Variants in GLDC observed in about 807,000 individuals in gnomAD.
GLDC encodes the protein glycine decarboxylase, also known as glycine dehydrogenase (decarboxylating), mitochondrial.
A neutral mutation model predicts 121.3 loss-of-function variants in GLDC; 104 were observed. The observed-to-expected ratio is 0.86, with a 90% CI of 0.73 to 1.01. The LOEUF is 1.01. Ranked by LOEUF, GLDC falls within the 50% of genes least tolerant of loss-of-function variation. The probability of loss-of-function intolerance (pLI) is 0.00; values close to 1 mark genes in which losing one functional copy is unlikely to be tolerated. For missense variants in GLDC, 1,429 were observed against 1,306.6 expected (o/e 1.09, Z -1.44); for synonymous variants, 546 against 480.6 (o/e 1.14, Z -1.78).
chr9:6,558,456 A>C, intron 17 of GLDC, 103 bp downstream of exon 17: 5 of 1,346,388 alleles, frequency 3.7e-6, no homozygotes, highest in Non-Finnish European at 5.3e-6. Flanking sequence ...CAGACTTTTC[A>C]TTAGAATGCA....
At chr9:6,574,970 T>C (rs998130541) in intron 15 of GLDC, among the ~76,000 whole-genome samples, 1 of 152,142 alleles carries the variant, frequency 6.6e-6, no homozygotes, top group African/African-American at 2.4e-5. Flanking sequence ...TTCTCTTTGG[T>C]GTTCCTCCAG....
At chr9:6,618,570 G>C (rs545063113) in intron 3 of GLDC, among the ~76,000 whole-genome samples, 20 of 152,262 alleles carry the variant, frequency 1.3e-4, no homozygotes, top group African/African-American at 4.3e-4. Context: ...ACCTCCCAAA[G>C]TGCTGGGATT....
chr9:6,628,360 C>T (rs563622711), intron 2 of GLDC, among the ~76,000 whole-genome samples: 1 of 152,208 alleles, frequency 6.6e-6, no homozygotes, highest in Non-Finnish European at 1.5e-5. Context: ...CACAGCAGAG[C>T]ACATTCCTCA....
intron 2 of GLDC, among the ~76,000 whole-genome samples, chr9:6,629,521 T>C (rs893145864): frequency 9.9e-5 from 15 of 152,070 alleles, no homozygotes; most frequent in African/African-American, 3.6e-4. Context: ...GGTTTTAATA[T>C]CCTGTTTATG....
At chr9:6,548,779 C>G (rs966073659) in intron 21 of GLDC, among the ~76,000 whole-genome samples, 9 of 152,176 alleles carry the variant, frequency 5.9e-5, no homozygotes, top group Non-Finnish European at 1.3e-4. Context: ...AGGACTTGTA[C>G]CTGGTTCTCA....
chr9:6,552,357 C>A (rs1038171092), intron 20 of GLDC, among the ~76,000 whole-genome samples: 1 of 152,126 alleles, frequency 6.6e-6, no homozygotes, highest in East Asian at 1.9e-4. Flanking sequence ...ATACAAATAA[C>A]CCAGATTTAC....
chr9:6,622,389 G>A (rs1367194314), intron 2 of GLDC, among the ~76,000 whole-genome samples: 1 of 149,254 alleles, frequency 6.7e-6, no homozygotes, highest in African/African-American at 2.5e-5. Context: ...TTGCAGGCAC[G>A]CGCCGCCACG....
intron 9 of GLDC, among the ~76,000 whole-genome samples, chr9:6,594,727 ACAAGAAAG>A: frequency 6.8e-6 from 1 of 146,500 alleles, no homozygotes; most frequent in African/African-American, 2.8e-5. Context: ...AAGCAAGCAA[ACAAGAAAG>A]CAAGAAAGCA....
At chr9:6,545,137 G>C in intron 21 of GLDC, among the ~76,000 whole-genome samples, 1 of 152,014 alleles carries the variant, frequency 6.6e-6, no homozygotes, top group Non-Finnish European at 1.5e-5. Flanking sequence ...TCTTACCTGA[G>C]GTAATTCCTT....
intron 2 of GLDC, among the ~76,000 whole-genome samples, chr9:6,636,746 GC>G (rs1375183228): frequency 6.6e-6 from 1 of 152,094 alleles, no homozygotes. Flanking sequence ...CTGCACTCCA[GC>G]CTGGGCAACA....
chr9:6,553,588 G>T, intron 19 of GLDC, 79 bp from the exon 20 acceptor site: 1 of 1,410,086 alleles, frequency 7.1e-7, no homozygotes, highest in African/African-American at 1.4e-5. Context: ...GGCCCTCCCA[G>T]AAAGCCTTGT....
In GLDC at chr9:6,558,280, G is replaced by A. The variant is rs1307107268; in HGVS notation, c.2052+279C>T. 6.7e-6 allele frequency: 4 copies of A among 598,230 alleles called. No homozygotes were observed. In the Middle Eastern group the frequency reaches 1.3e-3, roughly 198 times the overall value. The allele number at this position is 598,230 out of a possible 1,614,324, so 37.1% of individuals were successfully genotyped here. A position where few individuals can be genotyped will look rare whatever the true frequency, so the allele number is the denominator to read the frequency against. ...TATTAAGTGGGGAAGGCGAGAAGGA[G>A]AGGGAAGATTGGGCAGAAAGAGGCA... On this transcript the variant is annotated intron_variant, in intron 17 of 24. Transcript: ENST00000321612.
In GLDC at chr9:6,532,804, G is replaced by A. The variant is rs541456045; in HGVS notation, c.*213C>T. Reference sequence around the variant, plus strand: ...CCCAATCCAGGCAACTGGCACATGTGGAAGCAGAATACCAAAGCAAATCCG... The same window carrying A: ...CCCAATCCAGGCAACTGGCACATGTAGAAGCAGAATACCAAAGCAAATCCG... On this transcript the variant is annotated 3_prime_UTR_variant, in exon 25 of 25. Coordinates refer to ENST00000321612, the MANE Select transcript of GLDC (RefSeq NM_000170.3). 1.8e-5 allele frequency: 10 copies of A among 565,256 alleles called. No individual in the cohort carries two copies. In the South Asian group the frequency reaches 2.0e-4, roughly 12 times the overall value. The allele number at this position is 565,256 out of a possible 1,614,324, so 35.0% of individuals were successfully genotyped here.
intron 15 of GLDC, chr9:6,569,083 C>T (rs1462782548): frequency 6.6e-6 from 1 of 151,960 alleles, no homozygotes; most frequent in African/African-American, 2.4e-5. Flanking sequence ...TGATGGAATT[C>T]AACAGTATTG....
chr9:6,638,901 C>T (rs914354546), intron 2 of GLDC, among the ~76,000 whole-genome samples: 4 of 151,814 alleles, frequency 2.6e-5, no homozygotes, highest in African/African-American at 7.2e-5. Flanking sequence ...CTCAGCTACT[C>T]GGGAGGCTCA....
At chr9:6,563,111 A>G (rs2129750653) in intron 16 of GLDC, among the ~76,000 whole-genome samples, 1 of 152,328 alleles carries the variant, frequency 6.6e-6, no homozygotes. Context: ...GGACAGGAAA[A>G]CACAAAGAGA....
chr9:6,600,171 C>G (rs1242171713), intron 8 of GLDC, among the ~76,000 whole-genome samples: 1 of 152,134 alleles, frequency 6.6e-6, no homozygotes, highest in African/African-American at 2.4e-5. Context: ...TGAGACCAAC[C>G]TGAGCAACAA....
At chr9:6,577,156 G>C (rs1319785514) in intron 15 of GLDC, among the ~76,000 whole-genome samples, 1 of 152,264 alleles carries the variant, frequency 6.6e-6, no homozygotes, top group East Asian at 1.9e-4. Flanking sequence ...GGATGAGGCA[G>C]AGCCAGCAGC....
intron 11 of GLDC, 106 bp downstream of exon 11, chr9:6,592,037 C>T: frequency 5.2e-6 from 4 of 763,810 alleles, no homozygotes; most frequent in Non-Finnish European, 9.5e-6. Flanking sequence ...CAACAAGCTA[C>T]CAGTGTCACA....
Sources: gnomAD v4.1 joint callset for allele counts (sites outside exome capture counted in the v4.1 genomes callset) on GRCh38, gnomAD v4.1.1 for gene constraint, MANE v1.5 for transcripts, NCBI Gene and HGNC (gene_info 2026-07-23, HGNC 2026-07-21) for gene names.